Variants in DCPS observed in about 807,000 individuals in gnomAD.
DCPS encodes m7GpppX diphosphatase.
In DCPS, 27 loss-of-function variants were observed where a neutral mutation model predicts 34.7. That is an observed-to-expected ratio of 0.78 (90% CI 0.57 to 1.07). The LOEUF (loss-of-function observed/expected upper bound fraction) is 1.07. Among genes scored for constraint, DCPS ranks in the 50% least tolerant of loss-of-function variants. The pLI, the probability that DCPS is intolerant of heterozygous loss-of-function variation, is 0.00. For synonymous variants in DCPS, 185 were observed against 185.7 expected (o/e 1.00, Z 0.03); for missense variants, 464 against 436.9 (o/e 1.06, Z -0.55).
At position 126,331,734 on chromosome 11, in the gene DCPS, C is replaced by T. The variant is rs370122131; in HGVS notation, c.522+184C>T. Among the ~76,000 whole-genome samples, 4 of 152,282 alleles carry T rather than the reference C, an allele frequency of 2.6e-5. No homozygotes were observed. The highest frequency in any genetic ancestry group is 1.9e-4 in the East Asian group (1 of 5,174). Reference sequence around the variant, plus strand: ...AGCTTACATCCCATGCACAGTCACACGGTGTGTGACCATACACAGATATCT... The same window carrying T: ...AGCTTACATCCCATGCACAGTCACATGGTGTGTGACCATACACAGATATCT... On this transcript the variant is annotated intron_variant, in intron 3 of 5. Transcript: ENST00000263579. The surrounding 1 kb of genome is among the most constrained non-coding windows in gnomAD (Gnocchi z 7.2).
intron 2 of DCPS, among the ~76,000 whole-genome samples, chr11:126,330,720 T>TATATATATATATATATA (rs61132101): frequency 7.7e-4 from 15 of 19,548 alleles, no homozygotes; most frequent in African/African-American, 1.6e-3. Flanking sequence ...TATATATATA[T>TATATATATATATATATA]TTTTTTTTTT....
At position 126,342,561 on chromosome 11, in the gene DCPS, C is replaced by T. The variant is rs1309803746; in HGVS notation, c.637-746C>T. 6.6e-6 allele frequency among the ~76,000 whole-genome samples: 1 copy of T among 152,148 alleles called. No homozygotes were observed. The highest frequency in any genetic ancestry group is 2.4e-5 in the African/African-American group (1 of 41,432). ...TGAATACCCTTTCTCCAAATTCTACCTTTTTTCTAGACCTGATCCTCTGCC... is the reference window on the plus strand; with the variant it reads ...TGAATACCCTTTCTCCAAATTCTACTTTTTTTCTAGACCTGATCCTCTGCC... On this transcript the variant is annotated intron_variant, in intron 4 of 5. Coordinates refer to ENST00000263579, the MANE Select transcript of DCPS (RefSeq NM_014026.6). The surrounding 1 kb of genome is among the most constrained non-coding windows in gnomAD (Gnocchi z 4.4).
At chr11:126,307,587 T>C (rs537287704) in intron 2 of DCPS, among the ~76,000 whole-genome samples, 1 of 152,092 alleles carries the variant, frequency 6.6e-6, no homozygotes, top group South Asian at 2.1e-4. Flanking sequence ...ATTTTTGTAT[T>C]TTTAGTAGAG....
chr11:126,329,271 T>C lies in DCPS; in HGVS notation c.377-2134T>C. ...TGTGAGGAGGCCTTCATGCCCCTTTTTCAGGGTCAGATCCGGGGATTCCCA... is the reference window on the plus strand; with the variant it reads ...TGTGAGGAGGCCTTCATGCCCCTTTCTCAGGGTCAGATCCGGGGATTCCCA... On this transcript the variant is annotated intron_variant, in intron 2 of 5. Coordinates refer to ENST00000263579, the MANE Select transcript of DCPS (RefSeq NM_014026.6). The surrounding 1 kb of genome is among the most constrained non-coding windows in gnomAD (Gnocchi z 5.0). 6.6e-6 allele frequency among the ~76,000 whole-genome samples: 1 copy of C among 152,240 alleles called. No individual in the cohort carries two copies. The highest frequency in any genetic ancestry group is 1.9e-4 in the East Asian group (1 of 5,196).
At chr11:126,321,702 A>G (rs1304474313) in intron 2 of DCPS, among the ~76,000 whole-genome samples, 1 of 146,548 alleles carries the variant, frequency 6.8e-6, no homozygotes, top group Non-Finnish European at 1.5e-5. Flanking sequence ...GGGAAGGAAA[A>G]GAAACCTAGA....
chr11:126,345,347 G>A lies in DCPS; in HGVS notation c.748G>A (p.Glu250Lys), dbSNP rs754664727. The A allele has an allele frequency of 6.2e-7, 1 of 1,613,666 alleles. No individual in the cohort carries two copies. Among genetic ancestry groups the A allele is most frequent in the Non-Finnish European group, 8.5e-7 (1 of 1,179,896 alleles). The change falls in exon 6 of 6, where the codon GAG (glutamate) becomes AAG (lysine). Residue 250 changes from glutamate (E) to lysine (K), a missense_variant and splice_region_variant. Glu to Lys is a moderately conservative substitution (Grantham distance 56). Transcript: ENST00000263579. This position sits in a 1 kb window ranked among gnomAD's most constrained non-coding sequence, Gnocchi z 7.4. ...GACCTGCCTGCCCCTGTCTCATCAG[G>A]AGGCCATCCTGCAGCGCTACCGGAT... ...LLRNILHQGQ[E>K]AILQRYRMKG...
rs1358997301 is a variant in DCPS at position 126,312,057 on chromosome 11, A to C, written c.376+5313A>C. ...GTGATTCTCCAGCCTCAGCCTCCCG[A>C]GTAGCTGGGATTACAGGCATCCTCC... On this transcript the variant is annotated intron_variant, in intron 2 of 5. Coordinates refer to ENST00000263579, the MANE Select transcript of DCPS (RefSeq NM_014026.6). This position sits in a 1 kb window ranked among gnomAD's most constrained non-coding sequence, Gnocchi z 5.1. 6.6e-6 allele frequency among the ~76,000 whole-genome samples: 1 copy of C among 152,026 alleles called. No homozygotes were observed. Among genetic ancestry groups the C allele is most frequent in the Non-Finnish European group, 1.5e-5 (1 of 68,004 alleles).
intron 4 of DCPS, chr11:126,341,631 C>T (rs1413723178): frequency 6.6e-6 from 1 of 152,262 alleles, no homozygotes; most frequent in Non-Finnish European, 1.5e-5. Flanking sequence ...AGTTTGGTGA[C>T]AGTGACGCAT....
rs1344718265 is a variant in DCPS at position 126,313,555 on chromosome 11, G to A, written c.376+6811G>A. Among the ~76,000 whole-genome samples the A allele has an allele frequency of 1.3e-5, 2 of 152,124 alleles. No individual in the cohort carries two copies. The highest frequency in any genetic ancestry group is 2.9e-5 in the Non-Finnish European group (2 of 68,028). ...TGAAGGATAAATCTCACCATGTAGG[G>A]CAAGAAAAGCATGACACAGAATACA... On this transcript the variant is annotated intron_variant, in intron 2 of 5. Transcript: ENST00000263579. The surrounding 1 kb of genome is among the most constrained non-coding windows in gnomAD (Gnocchi z 4.9).
chr11:126,305,845 G>A (rs1951560470), intron 1 of DCPS, among the ~76,000 whole-genome samples: 1 of 152,118 alleles, frequency 6.6e-6, no homozygotes, highest in African/African-American at 2.4e-5. Context: ...CCTGTTGAAG[G>A]TGTTAGTCAT....
rs1400371343 is a variant in DCPS, at chr11:126,320,765, C to G, written c.377-10640C>G. Among the ~76,000 whole-genome samples, 2 of 151,998 alleles carry G rather than the reference C, an allele frequency of 1.3e-5. No individual in the cohort carries two copies. The highest frequency in any genetic ancestry group is 6.6e-5 in the Admixed American group (1 of 15,252). The stretch of plus-strand genomic sequence containing the variant: ...CTGCACTCCAGCCTGGGAGACAGAG[C>G]CAGACCCTGTCTCCAGAAAAAAAAG... On this transcript the variant is annotated intron_variant, in intron 2 of 5. Transcript: ENST00000263579. The surrounding 1 kb of genome is among the most constrained non-coding windows in gnomAD (Gnocchi z 4.7).
At position 126,343,525 on chromosome 11, in the gene DCPS, CT is replaced by C. The variant is rs1233998257; in HGVS notation, c.747+110del. On this transcript the variant is annotated intron_variant, in intron 5 of 5. Coordinates refer to ENST00000263579, the MANE Select transcript of DCPS (RefSeq NM_014026.6). The stretch of plus-strand genomic sequence containing the variant: ...TTTCCCAGAGTCCATCTTGGAGAGA[CT>C]TCTCTCTGGATGCCAGTCTTGGGGA... The C allele has an allele frequency of 3.3e-5, 31 of 950,364 alleles. No individual in the cohort carries two copies. In the African/African-American group the frequency reaches 4.9e-4, roughly 15 times the overall value. The allele number at this position is 950,364 out of a possible 1,614,324, so 58.9% of individuals were successfully genotyped here.
At chr11:126,340,122 T>C (rs1447738191) in intron 4 of DCPS, among the ~76,000 whole-genome samples, 1 of 152,192 alleles carries the variant, frequency 6.6e-6, no homozygotes, top group African/African-American at 2.4e-5. Context: ...CTGACCCCAG[T>C]GCCTCCAGGC....
rs1025682900 is a variant in DCPS at position 126,347,287 on chromosome 11, A to G, written c.*1674A>G. On this transcript the variant is annotated 3_prime_UTR_variant, in exon 6 of 6. Coordinates refer to ENST00000263579, the MANE Select transcript of DCPS (RefSeq NM_014026.6). This position sits in a 1 kb window ranked among gnomAD's most constrained non-coding sequence, Gnocchi z 4.2. ...CACCCAGGCTGGAGTGCAGTGGCACAATCTCGACTCACTGCAACCTCTGCC... is the reference window on the plus strand; with the variant it reads ...CACCCAGGCTGGAGTGCAGTGGCACGATCTCGACTCACTGCAACCTCTGCC... 1.1e-4 allele frequency among the ~76,000 whole-genome samples: 17 copies of G among 148,582 alleles called. No homozygotes were observed. The highest frequency in any genetic ancestry group is 3.2e-4 in the African/African-American group (13 of 40,070).
rs565008064 is a variant in DCPS at position 126,347,285 on chromosome 11, A to G, written c.*1672A>G. On this transcript the variant is annotated 3_prime_UTR_variant, in exon 6 of 6. Transcript: ENST00000263579. This position sits in a 1 kb window ranked among gnomAD's most constrained non-coding sequence, Gnocchi z 4.2. ...ATCACCCAGGCTGGAGTGCAGTGGC[A>G]CAATCTCGACTCACTGCAACCTCTG... Among the ~76,000 whole-genome samples, 159 of 146,630 alleles carry G rather than the reference A, an allele frequency of 1.1e-3. No homozygotes were observed. The highest frequency in any genetic ancestry group is 3.7e-3 in the Middle Eastern group (1 of 268).
In DCPS at chr11:126,338,438, C is replaced by T. The variant is rs200794318; in HGVS notation, c.636+39C>T. 1 of 1,575,830 alleles carries T rather than the reference C, an allele frequency of 6.3e-7. No homozygotes were observed. Among genetic ancestry groups the T allele is most frequent in the Admixed American group, 1.7e-5 (1 of 59,934 alleles). ...GCTGGAATGTCCTGATCTCTGGCCA[C>T]CCTGCTGTAAGTGCTGGTCCTTCTG... On this transcript the variant is annotated intron_variant, in intron 4 of 5. Coordinates refer to ENST00000263579, the MANE Select transcript of DCPS (RefSeq NM_014026.6). The surrounding 1 kb of genome is among the most constrained non-coding windows in gnomAD (Gnocchi z 5.4).
chr11:126,312,671 C>T lies in DCPS; in HGVS notation c.376+5927C>T, dbSNP rs571318290. Among the ~76,000 whole-genome samples the T allele has an allele frequency of 1.5e-3, 232 of 152,098 alleles. No individual in the cohort carries two copies. The highest frequency in any genetic ancestry group is 1.9e-3 in the Non-Finnish European group (129 of 68,028). The stretch of plus-strand genomic sequence containing the variant: ...CCTTTTTTAAAATGCTGGTCTTAAT[C>T]CCCTAAATTGACTTCATGGCCACTG... On this transcript the variant is annotated intron_variant, in intron 2 of 5. Coordinates refer to ENST00000263579, the MANE Select transcript of DCPS (RefSeq NM_014026.6). This position sits in a 1 kb window ranked among gnomAD's most constrained non-coding sequence, Gnocchi z 5.1.
chr11:126,304,489 T>C (rs577616051), intron 1 of DCPS, among the ~76,000 whole-genome samples: 7 of 152,180 alleles, frequency 4.6e-5, no homozygotes, highest in Non-Finnish European at 8.8e-5. Context: ...CATCTAGCTC[T>C]AATTTTTCTA....
intron 2 of DCPS, among the ~76,000 whole-genome samples, chr11:126,330,416 AT>A (rs1951773966): frequency 6.6e-6 from 1 of 152,102 alleles, no homozygotes; most frequent in South Asian, 2.1e-4. Context: ...TGTGCCAGAC[AT>A]TGTTTTAAGA....
Sources: gnomAD v4.1 joint callset for allele counts (sites outside exome capture counted in the v4.1 genomes callset) on GRCh38, gnomAD v4.1.1 for gene constraint, Gnocchi (gnomAD v3.1) non-coding constraint, MANE v1.5 for transcripts, NCBI Gene and HGNC (gene_info 2026-07-23, HGNC 2026-07-21) for gene names.